The following CMIP variants were observed in gnomAD, a reference collection of about 807,000 sequenced individuals.
CMIP encodes C-Maf-inducing protein.
In CMIP, 13 loss-of-function variants were observed where a neutral mutation model predicts 97.3. The observed-to-expected ratio is 0.13, with a 90% CI of 0.09 to 0.21. The LOEUF is 0.21. Ranked by LOEUF, CMIP falls within the 10% of genes least tolerant of loss-of-function variation. The probability of loss-of-function intolerance (pLI) is 1.00; values close to 1 mark genes in which losing one functional copy is unlikely to be tolerated. For synonymous variants in CMIP, 538 were observed against 436.3 expected (o/e 1.23, Z -2.91); for missense variants, 847 against 1,024.9 (o/e 0.83, Z 2.37).
intron 1 of CMIP, among the ~76,000 whole-genome samples, chr16:81,562,632 C>G (rs573990806): frequency 3.3e-5 from 5 of 152,336 alleles, no homozygotes; most frequent in African/African-American, 7.2e-5. Flanking sequence ...GGCGGATGGC[C>G]CCAGATGGGT....
At chr16:81,482,888 G>C (rs1320077956) in intron 1 of CMIP, among the ~76,000 whole-genome samples, 1 of 152,230 alleles carries the variant, frequency 6.6e-6, no homozygotes. Flanking sequence ...ATGGGACGCT[G>C]TTGGTGCACA....
At chr16:81,687,724 CTG>C (rs1231604326) in intron 10 of CMIP, among the ~76,000 whole-genome samples, 1 of 152,202 alleles carries the variant, frequency 6.6e-6, no homozygotes, top group Non-Finnish European at 1.5e-5. Flanking sequence ...TGTACTCAGA[CTG>C]AGACGCCGGC....
At chr16:81,564,923 C>G (rs183619925) in intron 1 of CMIP, among the ~76,000 whole-genome samples, 2 of 150,880 alleles carry the variant, frequency 1.3e-5, no homozygotes, top group African/African-American at 4.9e-5. Flanking sequence ...CATGTGTGCC[C>G]GGGCGACTGT....
At chr16:81,574,619 C>T (rs956292190) in intron 1 of CMIP, among the ~76,000 whole-genome samples, 2 of 152,230 alleles carry the variant, frequency 1.3e-5, no homozygotes, top group African/African-American at 4.8e-5. Flanking sequence ...AAGAAAGAGC[C>T]TTCGAGTATG....
Position 81,558,387 on chromosome 16 carries a change from T to A in CMIP, c.301-49180T>A, listed in dbSNP as rs554796526. Among the ~76,000 whole-genome samples the A allele has an allele frequency of 2.0e-5, 3 of 152,336 alleles. No individual in the cohort carries two copies. The South Asian group carries it at 6.2e-4, about 32-fold the overall frequency. Reference sequence around the variant, plus strand: ...CAAGCTTCCCATTCTTTTGGGTCTGTACCTGGAAATGGAACGTCTGGATGA... The same window carrying A: ...CAAGCTTCCCATTCTTTTGGGTCTGAACCTGGAAATGGAACGTCTGGATGA... On this transcript the variant is annotated intron_variant, in intron 1 of 20. Coordinates refer to ENST00000537098, the MANE Select transcript of CMIP (RefSeq NM_198390.3).
intron 20 of CMIP, among the ~76,000 whole-genome samples, chr16:81,707,999 G>A (rs1253573425): frequency 2.0e-5 from 3 of 152,282 alleles, no homozygotes; most frequent in African/African-American, 7.2e-5. Context: ...GCTCACTGGG[G>A]CATCCTCCAG....
intron 10 of CMIP, among the ~76,000 whole-genome samples, chr16:81,686,491 C>G (rs966447097): frequency 6.6e-6 from 1 of 152,370 alleles, no homozygotes; most frequent in East Asian, 1.9e-4. Context: ...CCGGCACCCT[C>G]TGCCCTCACA....
chr16:81,606,555 G>C (rs149477652), intron 1 of CMIP, among the ~76,000 whole-genome samples: 1 of 152,034 alleles, frequency 6.6e-6, no homozygotes, highest in Non-Finnish European at 1.5e-5. Context: ...ATCTTGCCCC[G>C]CCCCTACTCC....
intron 3 of CMIP, chr16:81,631,952 C>A (rs551291518): frequency 6.6e-6 from 1 of 152,264 alleles, no homozygotes; most frequent in African/African-American, 2.4e-5. Flanking sequence ...CTGGCACTTA[C>A]GAAGCTTTTT....
rs901256034 is a variant in CMIP, at chr16:81,446,856, C to G, written c.300+1315C>G. 2.2e-3 allele frequency among the ~76,000 whole-genome samples: 270 copies of G among 120,922 alleles called. 1 individual carries two copies. Among genetic ancestry groups the G allele is most frequent in the African/African-American group, 8.1e-3 (262 of 32,416 alleles). 79.3% of individuals were successfully genotyped at this position (120,922 alleles called of 152,430 possible). On this transcript the variant is annotated intron_variant, in intron 1 of 20. Coordinates refer to ENST00000537098, the MANE Select transcript of CMIP (RefSeq NM_198390.3). ...CTCTTTGAACCAGTCCCCCACCCCC[C>G]ACCCCAGAGCGTTGCAGCCCTCGAG...
chr16:81,597,935 G>A (rs1328086709), intron 1 of CMIP, among the ~76,000 whole-genome samples: 4 of 151,944 alleles, frequency 2.6e-5, no homozygotes, highest in Admixed American at 2.0e-4. Context: ...TGGGCATAGG[G>A]TTGCACCTAG....
rs1272235254 is a variant in CMIP, at chr16:81,627,720, TGGATAAAGGATGA to T, written c.477+6805_477+6817del. On this transcript the variant is annotated intron_variant, in intron 3 of 20. Coordinates refer to ENST00000537098, the MANE Select transcript of CMIP (RefSeq NM_198390.3). The surrounding 1 kb of genome is among the most constrained non-coding windows in gnomAD (Gnocchi z 4.6). ...TAGCAGAGGGGACTGAGCGTCCAAG[TGGATAAAGGATGA>T]GGATAAAGGACCGTGCCAAAGCCAG... Among the ~76,000 whole-genome samples the T allele has an allele frequency of 6.6e-6, 1 of 151,974 alleles. No individual in the cohort carries two copies. The highest frequency in any genetic ancestry group is 1.5e-5 in the Non-Finnish European group (1 of 67,964).
At chr16:81,644,398 C>G (rs542610892) in intron 3 of CMIP, among the ~76,000 whole-genome samples, 4 of 152,290 alleles carry the variant, frequency 2.6e-5, no homozygotes, top group Non-Finnish European at 5.9e-5. Flanking sequence ...CCCAGGGTGT[C>G]TCTGTGGGGA....
chr16:81,474,964 G>A (rs1166037439), intron 1 of CMIP, among the ~76,000 whole-genome samples: 1 of 152,226 alleles, frequency 6.6e-6, no homozygotes, highest in African/African-American at 2.4e-5. Context: ...CATTTTGGAA[G>A]GTTTGGGATG....
At chr16:81,603,369 A>T (rs1230972937) in intron 1 of CMIP, 1 of 454,190 alleles carries the variant, frequency 2.2e-6, no homozygotes, top group Non-Finnish European at 4.4e-6. Flanking sequence ...GGCGTGAGCC[A>T]CCGCGCCCGG....
intron 1 of CMIP, among the ~76,000 whole-genome samples, chr16:81,595,624 A>G (rs991134324): frequency 1.3e-5 from 2 of 151,862 alleles, no homozygotes; most frequent in African/African-American, 4.8e-5. Flanking sequence ...CCTGACCTCA[A>G]GTGATCTGCC....
intron 1 of CMIP, among the ~76,000 whole-genome samples, chr16:81,545,389 A>G (rs757310940): frequency 1.3e-5 from 2 of 152,224 alleles, no homozygotes; most frequent in Non-Finnish European, 2.9e-5. Flanking sequence ...GCAGAAGCTT[A>G]GGTTCTGTAC....
intron 1 of CMIP, among the ~76,000 whole-genome samples, chr16:81,504,193 G>T (rs1026040244): frequency 6.6e-6 from 1 of 152,110 alleles, no homozygotes; most frequent in Admixed American, 6.5e-5. Flanking sequence ...TGGCGTGGTC[G>T]TGGGCGCCAG....
chr16:81,664,086 C>G (rs769573979), intron 6 of CMIP, among the ~76,000 whole-genome samples, 183 bp from the exon 7 acceptor site: 1 of 152,198 alleles, frequency 6.6e-6, no homozygotes, highest in African/African-American at 2.4e-5. Context: ...CTCCGTTCTG[C>G]TCTGAACCTA....
Sources: allele counts gnomAD v4.1 joint callset (sites outside exome capture counted in the v4.1 genomes callset), GRCh38; gene constraint gnomAD v4.1.1; non-coding constraint Gnocchi (gnomAD v3.1); transcripts MANE v1.5; gene names NCBI Gene and HGNC (gene_info 2026-07-23, HGNC 2026-07-21).